Variants in GGTA1 observed in about 807,000 individuals in gnomAD.
GGTA1 encodes the protein glycoprotein alpha-galactosyltransferase 1 (inactive), also known as inactive N-acetyllactosaminide alpha-1,3-galactosyltransferase.
GGTA1 carries 5 observed loss-of-function variants against 2.6 expected under a neutral mutation model. That is an observed-to-expected ratio of 1.92 (90% CI 1.00 to 4.04). The LOEUF is 4.04. Ranked by LOEUF, GGTA1 falls within the 30% of genes most tolerant of loss-of-function variation. The probability of loss-of-function intolerance (pLI) is 0.00; values close to 1 mark genes in which losing one functional copy is unlikely to be tolerated. For synonymous variants in GGTA1, 17 were observed against 5.0 expected (o/e 3.38, Z -3.19); for missense variants, 50 against 16.7 (o/e 2.99, Z -3.47).
At chr9:121,489,226 G>T (rs1397623051) in intron 1 of GGTA1, among the ~76,000 whole-genome samples, 2 of 151,936 alleles carry the variant, frequency 1.3e-5, no homozygotes, top group South Asian at 2.1e-4. Context: ...TTGAGACAGG[G>T]TCTCACTCTG....
At chr9:121,475,412 T>C (rs1828488891) in intron 1 of GGTA1, among the ~76,000 whole-genome samples, 1 of 152,212 alleles carries the variant, frequency 6.6e-6, no homozygotes. Context: ...GCCATTCTTT[T>C]ATTCCTCTAC....
chr9:121,495,923 A>G (rs57325794), intron 1 of GGTA1, among the ~76,000 whole-genome samples: 41,474 of 152,196 alleles, frequency 0.27, 6,159 homozygotes, highest in Middle Eastern at 0.37. Context: ...AAACATGTGA[A>G]TTAGATGCCC....
intron 1 of GGTA1, among the ~76,000 whole-genome samples, chr9:121,468,868 G>C (rs2118697651): frequency 6.6e-6 from 1 of 152,282 alleles, no homozygotes; most frequent in East Asian, 1.9e-4. Flanking sequence ...AGGGACTCCA[G>C]TTGCCTCCCA....
At chr9:121,475,796 T>G (rs533544731) in intron 1 of GGTA1, among the ~76,000 whole-genome samples, 1 of 152,186 alleles carries the variant, frequency 6.6e-6, no homozygotes, top group Non-Finnish European at 1.5e-5. Context: ...AGTAATTAAC[T>G]GGGTATTACT....
At chr9:121,482,977 A>T (rs1218557436) in intron 1 of GGTA1, among the ~76,000 whole-genome samples, 4 of 152,166 alleles carry the variant, frequency 2.6e-5, no homozygotes, top group Admixed American at 6.6e-5. Flanking sequence ...AAATAATTTT[A>T]AAAGCCATTC....
intron 1 of GGTA1, among the ~76,000 whole-genome samples, chr9:121,496,731 CAAAAA>C (rs772847384): frequency 5.8e-4 from 18 of 31,202 alleles, no homozygotes; most frequent in East Asian, 1.8e-3. Context: ...GGCTCCATCT[CAAAAA>C]AAAAAAAAAA....
exon 8 of GGTA1, chr9:121,447,071 C>G (rs566502895): frequency 1.3e-5 from 2 of 152,580 alleles, no homozygotes; most frequent in Non-Finnish European, 2.9e-5. Context: ...TTTCATCATG[C>G]CACTTGGCTT....
At chr9:121,488,050 CT>C (rs1275051663) in intron 1 of GGTA1, among the ~76,000 whole-genome samples, 1 of 152,044 alleles carries the variant, frequency 6.6e-6, no homozygotes, top group Admixed American at 6.6e-5. Flanking sequence ...TGAAGGGAAC[CT>C]AATTTTACAG....
At chr9:121,484,997 A>G (rs1312934401) in intron 1 of GGTA1, among the ~76,000 whole-genome samples, 1 of 152,074 alleles carries the variant, frequency 6.6e-6, no homozygotes, top group African/African-American at 2.4e-5. Flanking sequence ...CAGGACATTA[A>G]CTCACTGCCC....
Position 121,463,520 on chromosome 9 carries a change from G to A in GGTA1, c.81-192C>T, listed in dbSNP as rs190370797. Among the ~76,000 whole-genome samples, 6 of 152,114 alleles carry A rather than the reference G, an allele frequency of 3.9e-5. No individual in the cohort carries two copies. The East Asian group carries it at 9.7e-4, about 25-fold the overall frequency. On this transcript the variant is annotated intron_variant, in intron 2 of 5. Transcript: ENST00000481799. ...GAAATTTCCACTTCAGGATCTCAAG[G>A]GGAAACAGTTTTCTGCAAAATCTCA...
At chr9:121,482,755 C>A (rs1828679120) in intron 1 of GGTA1, among the ~76,000 whole-genome samples, 1 of 151,912 alleles carries the variant, frequency 6.6e-6, no homozygotes, top group African/African-American at 2.4e-5. Context: ...GGCAATAGAG[C>A]AAAACTCCAT....
At chr9:121,445,771 C>T (rs1465634209) in exon 8 of GGTA1, 1 of 152,166 alleles carries the variant, frequency 6.6e-6, no homozygotes, top group Non-Finnish European at 1.5e-5. Context: ...CAGGAGAGAA[C>T]AAGAGGTTAC....
intron 1 of GGTA1, among the ~76,000 whole-genome samples, chr9:121,494,368 G>T (rs182454879): frequency 2.0e-4 from 30 of 152,354 alleles, no homozygotes; most frequent in Admixed American, 1.8e-3. Flanking sequence ...AACTCTCATG[G>T]CCGGGTCTGA....
chr9:121,464,768 C>G (rs1401852361), intron 2 of GGTA1, among the ~76,000 whole-genome samples: 4 of 152,172 alleles, frequency 2.6e-5, no homozygotes, highest in Non-Finnish European at 5.9e-5. Context: ...TCCTCTAATT[C>G]TCTAAAATTC....
At chr9:121,490,817 C>T (rs144723470) in intron 1 of GGTA1, among the ~76,000 whole-genome samples, 27 of 152,258 alleles carry the variant, frequency 1.8e-4, no homozygotes, top group African/African-American at 6.3e-4. Context: ...TGTCTTCTGC[C>T]TCAGTGAGCT....
intron 1 of GGTA1, among the ~76,000 whole-genome samples, chr9:121,484,085 AT>A (rs1828707294): frequency 6.6e-6 from 1 of 152,160 alleles, no homozygotes; most frequent in African/African-American, 2.4e-5. Flanking sequence ...CATTGTGCCT[AT>A]TGGGTGCAAT....
rs112908249 is a variant in GGTA1 at position 121,489,719 on chromosome 9, C to T, written c.-10+9931G>A. Among the ~76,000 whole-genome samples, 288 of 152,236 alleles carry T rather than the reference C, an allele frequency of 1.9e-3. 1 individual carries two copies. The highest frequency in any genetic ancestry group is 6.6e-3 in the African/African-American group (274 of 41,532). Reference sequence around the variant, plus strand: ...TTCCTAGCACAACACTGCCAGCAGGCGTTCTGTGTTTGTGGGAAGCTGCAT... The same window carrying T: ...TTCCTAGCACAACACTGCCAGCAGGTGTTCTGTGTTTGTGGGAAGCTGCAT... On this transcript the variant is annotated intron_variant, in intron 1 of 5. Transcript: ENST00000481799.
intron 7 of GGTA1, among the ~76,000 whole-genome samples, chr9:121,448,715 A>C (rs1564649052): frequency 6.6e-6 from 1 of 152,200 alleles, no homozygotes; most frequent in Non-Finnish European, 1.5e-5. Flanking sequence ...GAGTTCTCAT[A>C]TACCTCCTGC....
At chr9:121,494,439 T>C (rs978036973) in intron 1 of GGTA1, 11 of 152,218 alleles carry the variant, frequency 7.2e-5, no homozygotes, top group African/African-American at 2.7e-4. Context: ...GCCAATCAGC[T>C]CTTTGGCTGG....
Sources: allele counts gnomAD v4.1 joint callset (sites outside exome capture counted in the v4.1 genomes callset), GRCh38; gene constraint gnomAD v4.1.1; transcripts MANE v1.5; gene names NCBI Gene and HGNC (gene_info 2026-07-23, HGNC 2026-07-21).